The following TMEM209 variants were observed in gnomAD, a reference collection of about 807,000 sequenced individuals.
The protein encoded by TMEM209 is transmembrane protein 209, also known as testicular tissue protein Li 202.
Under a neutral mutation model 76.2 loss-of-function variants are expected in TMEM209, and 65 were observed. The ratio of observed to expected loss-of-function variants is 0.85; its 90% CI spans 0.70 to 1.05. TMEM209 has a LOEUF of 1.05. TMEM209 is among the 50% of genes least tolerant of loss of function. TMEM209 has a pLI of 0.00. For synonymous variants in TMEM209, 239 were observed against 237.6 expected, an observed-to-expected ratio of 1.01 and a Z score of -0.06; for missense variants, 623 against 685.5, an observed-to-expected ratio of 0.91 and a Z score of 1.02.
chr7:130,192,030 G>A (rs1797815095), intron 6 of TMEM209, among the ~76,000 whole-genome samples: 1 of 152,132 alleles, frequency 6.6e-6, no homozygotes, highest in Non-Finnish European at 1.5e-5. Context: ...ATATGCTTTC[G>A]TGAAAGTTCC....
At position 130,166,293 on chromosome 7, in the gene TMEM209, T is replaced by C; in HGVS notation, c.*158A>G. ...AAGATACGGGACATATTTTTACAAT[T>C]ACATTTCATAACAGCTACATTTTCT... On this transcript the variant is annotated 3_prime_UTR_variant, in exon 15 of 15. Transcript: ENST00000397622. 2.1e-6 allele frequency: 1 copy of C among 480,518 alleles called. No homozygotes were observed. The highest frequency in any genetic ancestry group is 3.5e-6 in the Non-Finnish European group (1 of 284,294). 29.8% of individuals were successfully genotyped at this position (480,518 alleles called of 1,614,324 possible).
intron 6 of TMEM209, among the ~76,000 whole-genome samples, chr7:130,185,778 C>T (rs528722423): frequency 3.3e-5 from 5 of 152,268 alleles, no homozygotes; most frequent in Admixed American, 1.3e-4. Context: ...TAGCCTCCTA[C>T]TAAAAGATTA....
chr7:130,196,521 G>A (rs953899288), intron 5 of TMEM209, among the ~76,000 whole-genome samples: 2 of 152,168 alleles, frequency 1.3e-5, no homozygotes, highest in Non-Finnish European at 2.9e-5. Context: ...ATTATAGACT[G>A]AATGTCTGTG....
chr7:130,169,724 C>T (rs1004890333), intron 14 of TMEM209, among the ~76,000 whole-genome samples: 11 of 151,970 alleles, frequency 7.2e-5, no homozygotes, highest in East Asian at 3.9e-4. Context: ...CCCTTCTGCT[C>T]CAAGCCCATC....
At chr7:130,189,522 T>C (rs961492108) in intron 6 of TMEM209, among the ~76,000 whole-genome samples, 2 of 152,168 alleles carry the variant, frequency 1.3e-5, no homozygotes, top group Non-Finnish European at 2.9e-5. Context: ...AAGGAAGATG[T>C]CTTGGTCTTA....
Position 130,204,038 on chromosome 7 carries a change from T to C in TMEM209, c.76A>G (p.Arg26Gly), listed in dbSNP as rs886861121. The change falls in exon 2 of 15, where the codon AGG becomes GGG. Residue 26 changes from arginine (R) to glycine (G), a missense_variant. Coordinates refer to ENST00000397622, the MANE Select transcript of TMEM209 (RefSeq NM_032842.4). ...AGTCCCCAGGCTAAGACCACTTTCC[T>C]AGCCTCTGTTTCTTTTCTCATCTTG... ...TIKMRKETEA[R>G]KVVLAWGLLN... is the part of the protein sequence containing the mutation. 4 of 1,613,448 alleles carry C rather than the reference T, an allele frequency of 2.5e-6. No individual in the cohort carries two copies. In the Admixed American group the frequency reaches 5.0e-5, roughly 20 times the overall value.
In TMEM209 at chr7:130,184,184, A is replaced by G. The variant is rs1442350006; in HGVS notation, c.1023T>C (p.Asn341=). 1 of 1,601,586 alleles carries G rather than the reference A, an allele frequency of 6.2e-7. No individual in the cohort carries two copies. The highest frequency in any genetic ancestry group is 1.3e-5 in the African/African-American group (1 of 74,766). ...HMDSWTAKFR[N]WINETILVPL... is the part of the protein sequence containing the mutation. Reference sequence around the variant, plus strand: ...TCCAAAGAGTAATGTCAGAACTTACATTTCTAAATTTAGCTGTCCATGAAT... The same window carrying G: ...TCCAAAGAGTAATGTCAGAACTTACGTTTCTAAATTTAGCTGTCCATGAAT... Residue 341 remains asparagine (N), a splice_region_variant and synonymous_variant, in exon 8 of 15, where the codon AAT becomes AAC. Transcript: ENST00000397622.
At chr7:130,181,028 TA>T (rs1161267029) in intron 9 of TMEM209, among the ~76,000 whole-genome samples, 1 of 152,256 alleles carries the variant, frequency 6.6e-6, no homozygotes, top group African/African-American at 2.4e-5. Flanking sequence ...ACAGCAGCAT[TA>T]TTCATAAGAG....
intron 14 of TMEM209, among the ~76,000 whole-genome samples, chr7:130,167,001 A>G (rs992138781): frequency 1.3e-5 from 2 of 152,188 alleles, no homozygotes; most frequent in African/African-American, 4.8e-5. Flanking sequence ...TCTTCCAGAG[A>G]GTAGTATGAC....
intron 7 of TMEM209, 23 bp from the exon 8 acceptor site, chr7:130,184,278 T>G (rs1797519643): frequency 6.5e-7 from 1 of 1,536,212 alleles, no homozygotes; most frequent in Non-Finnish European, 8.9e-7. Flanking sequence ...ATGTTTAAAA[T>G]GAACAATCAG....
Position 130,170,486 on chromosome 7 carries a change from C to CA in TMEM209, c.1558-14dup. 1 of 1,599,156 alleles carries CA rather than the reference C, an allele frequency of 6.3e-7. No homozygotes were observed. The highest frequency in any genetic ancestry group is 8.5e-7 in the Non-Finnish European group (1 of 1,172,330). On this transcript the variant is annotated splice_polypyrimidine_tract_variant and intron_variant, in intron 13 of 14. Transcript: ENST00000397622. ...TATTATTTCTGCCCTGGAACAAAGA[C>CA]AAAAAAGACAAGATTTAAACCAAAT...
chr7:130,202,671 A>T lies in TMEM209; in HGVS notation c.200-8T>A, dbSNP rs747370391. 83 of 1,608,792 alleles carry T rather than the reference A, an allele frequency of 5.2e-5. No homozygotes were observed. The South Asian group carries it at 9.2e-4, about 18-fold the overall frequency. On this transcript the variant is annotated splice_polypyrimidine_tract_variant and splice_region_variant and intron_variant, in intron 3 of 14. Transcript: ENST00000397622. Reference sequence around the variant, plus strand: ...GAGATGCAAGGGCAAGCTCTGGAAGAGAACAATTTTTTTTTAATAAGGGGG... The same window carrying T: ...GAGATGCAAGGGCAAGCTCTGGAAGTGAACAATTTTTTTTTAATAAGGGGG...
intron 14 of TMEM209, among the ~76,000 whole-genome samples, chr7:130,168,247 TAC>T (rs1796940707): frequency 6.6e-6 from 1 of 152,190 alleles, no homozygotes; most frequent in South Asian, 2.1e-4. Flanking sequence ...ATTTATATTA[TAC>T]AGGTTAAGCA....
chr7:130,185,364 C>T lies in TMEM209; in HGVS notation c.779G>A (p.Ser260Asn). 1 of 1,613,382 alleles carries T rather than the reference C, an allele frequency of 6.2e-7. No individual in the cohort carries two copies. The highest frequency in any genetic ancestry group is 8.5e-7 in the Non-Finnish European group (1 of 1,179,530). ...EEKQHRVKLG[S>N]PDSTSPSSSP... ...GCTGGAAGGAGAGGTAGAATCTGGG[C>T]TCCCTACAATTGTTAAGATAAACAG... Residue 260 changes from serine (S) to asparagine (N), a missense_variant, in exon 7 of 15, where the codon AGC becomes AAC. By Grantham distance (46) the Ser-to-Asn change is conservative. Coordinates refer to ENST00000397622, the MANE Select transcript of TMEM209 (RefSeq NM_032842.4).
chr7:130,171,476 A>G (rs1797064352), intron 13 of TMEM209, among the ~76,000 whole-genome samples: 2 of 152,178 alleles, frequency 1.3e-5, no homozygotes, highest in African/African-American at 4.8e-5. Flanking sequence ...GATAATGTTT[A>G]CACTGTAAGA....
At chr7:130,201,829 A>G (rs755632397) in intron 5 of TMEM209, 21 bp downstream of exon 5, 57 of 1,613,396 alleles carry the variant, frequency 3.5e-5, no homozygotes, top group East Asian at 2.4e-4. Flanking sequence ...ATGTGACTAG[A>G]CAAGAGAAGA....
At chr7:130,179,620 T>C (rs1241093447) in intron 9 of TMEM209, among the ~76,000 whole-genome samples, 4 of 152,220 alleles carry the variant, frequency 2.6e-5, no homozygotes, top group Non-Finnish European at 5.9e-5. Context: ...CATTCCTATA[T>C]GTGTCATGGT....
At chr7:130,204,963 G>A (rs1294211278) in intron 1 of TMEM209, 3 of 1,098,224 alleles carry the variant, frequency 2.7e-6, no homozygotes, top group Non-Finnish European at 3.4e-6. Flanking sequence ...AGAAGGGCAC[G>A]TACTTATGAT....
chr7:130,192,047 G>A (rs1797815725), intron 6 of TMEM209, among the ~76,000 whole-genome samples: 1 of 151,996 alleles, frequency 6.6e-6, no homozygotes, highest in African/African-American at 2.4e-5. Context: ...TTCCTGACGG[G>A]GGAAAAATCA....
Sources: gnomAD v4.1 joint callset for allele counts (sites outside exome capture counted in the v4.1 genomes callset) on GRCh38, gnomAD v4.1.1 for gene constraint, MANE v1.5 for transcripts, NCBI Gene and HGNC (gene_info 2026-07-23, HGNC 2026-07-21) for gene names.